The following LMO1 variants were observed in gnomAD, a reference collection of about 807,000 sequenced individuals.
LMO1 encodes the protein LIM domain only 1, also known as rhombotin-1.
Under a neutral mutation model 18.0 loss-of-function variants are expected in LMO1, and 10 were observed. The ratio of observed to expected loss-of-function variants is 0.55; its 90% CI spans 0.34 to 0.94. LMO1 has a LOEUF of 0.94. Among genes scored for constraint, LMO1 ranks in the 40% least tolerant of loss-of-function variants. The pLI is 0.02. For missense variants in LMO1, 183 were observed against 205.7 expected, an observed-to-expected ratio of 0.89 and a Z score of 0.68; for synonymous variants, 77 against 77.9, an observed-to-expected ratio of 0.99 and a Z score of 0.06.
rs549996831 is a variant in LMO1, at chr11:8,234,106, C to G, written c.26-3602G>C. Among the ~76,000 whole-genome samples, 5 of 152,320 alleles carry G rather than the reference C, an allele frequency of 3.3e-5. No homozygotes were observed. In the East Asian group the frequency reaches 9.7e-4, roughly 29 times the overall value. The stretch of plus-strand genomic sequence containing the variant: ...TCAACCCAGGGTCACCCCTAAGTCT[C>G]AGGATGTGGGGGGAACAACATTGGA... On this transcript the variant is annotated intron_variant, in intron 1 of 3. Coordinates refer to ENST00000335790, the MANE Select transcript of LMO1 (RefSeq NM_002315.3).
chr11:8,263,749 C>T lies in LMO1; in HGVS notation c.-387G>A. 1 of 1,091,766 alleles carries T rather than the reference C, an allele frequency of 9.2e-7. No individual in the cohort carries two copies. Among genetic ancestry groups the T allele is most frequent in the Non-Finnish European group, 1.1e-6 (1 of 898,156 alleles). The allele number at this position is 1,091,766 out of a possible 1,614,324, so 67.6% of individuals were successfully genotyped here. On this transcript the variant is annotated 5_prime_UTR_variant, in exon 1 of 4. Transcript: ENST00000335790. ...TGATAGCTCATAACCCTGTCTCTGG[C>T]AACGACACAGCTTTCAGCCTCATAA...
intron 3 of LMO1, 168 bp downstream of exon 3, chr11:8,226,807 A>G: frequency 2.3e-6 from 3 of 1,297,406 alleles, no homozygotes; most frequent in Non-Finnish European, 3.0e-6. Flanking sequence ...GAGCTTACAC[A>G]CACATAAAAC....
chr11:8,229,612 C>T (rs1250064129), intron 2 of LMO1, among the ~76,000 whole-genome samples: 1 of 152,156 alleles, frequency 6.6e-6, no homozygotes, highest in African/African-American at 2.4e-5. Context: ...GGAATAGGAT[C>T]CAAATTGTAG....
intron 1 of LMO1, among the ~76,000 whole-genome samples, chr11:8,257,727 C>T (rs1847121638): frequency 6.6e-6 from 1 of 152,248 alleles, no homozygotes; most frequent in Non-Finnish European, 1.5e-5. Context: ...CAAGGTGCCA[C>T]CTGTCTTGGT....
intron 1 of LMO1, among the ~76,000 whole-genome samples, chr11:8,257,840 T>C (rs985153438): frequency 6.6e-6 from 1 of 152,250 alleles, no homozygotes; most frequent in African/African-American, 2.4e-5. Context: ...GGCCCAGTGC[T>C]TGCCAGCAAA....
At chr11:8,255,951 G>A (rs1372788367) in intron 1 of LMO1, among the ~76,000 whole-genome samples, 1 of 148,908 alleles carries the variant, frequency 6.7e-6, no homozygotes, top group East Asian at 2.0e-4. Context: ...TCAGCCTCCT[G>A]AGTAGCTGGG....
At chr11:8,242,697 C>T (rs976253523) in intron 1 of LMO1, among the ~76,000 whole-genome samples, 1 of 152,190 alleles carries the variant, frequency 6.6e-6, no homozygotes, top group African/African-American at 2.4e-5. Context: ...CCTGGGCACC[C>T]GCAAAGCCCG....
intron 3 of LMO1, among the ~76,000 whole-genome samples, chr11:8,225,481 C>T (rs1243610145): frequency 1.3e-5 from 2 of 150,556 alleles, no homozygotes; most frequent in Non-Finnish European, 3.0e-5. Flanking sequence ...TTTTTCCATC[C>T]GTCTATCCCT....
chr11:8,248,943 G>A (rs950409516), intron 1 of LMO1, among the ~76,000 whole-genome samples: 3 of 152,188 alleles, frequency 2.0e-5, no homozygotes, highest in African/African-American at 7.2e-5. Context: ...GAAGGGTCAG[G>A]GAAGCCTTCA....
chr11:8,255,817 A>AATT (rs1847085105), intron 1 of LMO1, among the ~76,000 whole-genome samples: 1 of 75,010 alleles, frequency 1.3e-5, no homozygotes. Context: ...ACAATGCCGC[A>AATT]CTTTTTTTTT....
At chr11:8,228,397 G>A (rs561446732) in intron 2 of LMO1, among the ~76,000 whole-genome samples, 3 of 152,368 alleles carry the variant, frequency 2.0e-5, no homozygotes, top group South Asian at 2.1e-4. Context: ...AAACTCAGGC[G>A]CCTGCAGATG....
intron 2 of LMO1, among the ~76,000 whole-genome samples, chr11:8,229,487 C>T (rs1429555729): frequency 6.6e-6 from 1 of 152,244 alleles, no homozygotes; most frequent in African/African-American, 2.4e-5. Context: ...CAGCCTGCGA[C>T]AGAGCCAAAT....
intron 1 of LMO1, among the ~76,000 whole-genome samples, chr11:8,262,866 C>T (rs1410533298): frequency 6.6e-6 from 1 of 152,200 alleles, no homozygotes; most frequent in African/African-American, 2.4e-5. Flanking sequence ...TTGCCCCGAG[C>T]TCTGGAGCCC....
chr11:8,257,392 G>A (rs1001010991), intron 1 of LMO1, among the ~76,000 whole-genome samples: 4 of 152,218 alleles, frequency 2.6e-5, no homozygotes. Flanking sequence ...CAGGACAGGT[G>A]AGTGTCCCTC....
intron 1 of LMO1, among the ~76,000 whole-genome samples, chr11:8,261,185 G>A (rs1847180652): frequency 6.6e-6 from 1 of 152,170 alleles, no homozygotes; most frequent in Admixed American, 6.5e-5. Flanking sequence ...TGCTTGTGCT[G>A]TAATGGACCC....
At chr11:8,260,793 A>G (rs1192604976) in intron 1 of LMO1, among the ~76,000 whole-genome samples, 1 of 152,104 alleles carries the variant, frequency 6.6e-6, no homozygotes, top group Non-Finnish European at 1.5e-5. Context: ...AGGTGGAGAA[A>G]AGGCGTTGGG....
At chr11:8,237,803 G>A (rs1952787426) in intron 1 of LMO1, among the ~76,000 whole-genome samples, 1 of 152,264 alleles carries the variant, frequency 6.6e-6, no homozygotes, top group Non-Finnish European at 1.5e-5. Context: ...GAGCTTGTGA[G>A]AAGAGGTGGG....
At chr11:8,241,780 G>C (rs532216426) in intron 1 of LMO1, among the ~76,000 whole-genome samples, 1 of 143,718 alleles carries the variant, frequency 7.0e-6, no homozygotes, top group African/African-American at 2.8e-5. Context: ...ACTTTTCTGT[G>C]AGTTTCAAAA....
intron 1 of LMO1, among the ~76,000 whole-genome samples, chr11:8,262,862 C>G (rs1036604471): frequency 7.5e-4 from 115 of 152,332 alleles, no homozygotes; most frequent in Non-Finnish European, 1.1e-3. Context: ...CCGCTTGCCC[C>G]GAGCTCTGGA....
Sources: allele counts gnomAD v4.1 joint callset (sites outside exome capture counted in the v4.1 genomes callset), GRCh38; gene constraint gnomAD v4.1.1; transcripts MANE v1.5; gene names NCBI Gene and HGNC (gene_info 2026-07-23, HGNC 2026-07-21).